Variants in INSL6 observed in about 807,000 individuals in gnomAD.
INSL6 encodes the protein insulin-like peptide INSL6.
In INSL6, 16 loss-of-function variants were observed where a neutral mutation model predicts 9.4. The ratio of observed to expected loss-of-function variants is 1.70; its 90% CI spans 1.15 to 2.59. INSL6 has a LOEUF of 2.59. Among genes scored for constraint, INSL6 ranks in the 30% most tolerant of loss-of-function variants. The pLI, the probability that INSL6 is intolerant of heterozygous loss-of-function variation, is 0.00. For missense variants in INSL6, 391 were observed against 257.3 expected, an observed-to-expected ratio of 1.52 and a Z score of -3.56; for synonymous variants, 154 against 96.9, an observed-to-expected ratio of 1.59 and a Z score of -3.46.
intron 2 of INSL6, among the ~76,000 whole-genome samples, chr9:5,140,556 C>T (rs892937724): frequency 1.6e-4 from 24 of 152,188 alleles, no homozygotes; most frequent in African/African-American, 5.8e-4. Flanking sequence ...ACTATTAGGT[C>T]ATTCTTCCCA....
the INSL6 span, among the ~76,000 whole-genome samples, chr9:5,042,296 C>T: frequency 1.3e-5 from 2 of 151,630 alleles, no homozygotes; most frequent in East Asian, 1.9e-4. Context: ...CGCCACCGCG[C>T]CCGGCTAATT....
At chr9:5,055,321 T>C in the INSL6 span, among the ~76,000 whole-genome samples, 1 of 152,062 alleles carries the variant, frequency 6.6e-6, no homozygotes, top group African/African-American at 2.4e-5. Context: ...GTGTTGTTCA[T>C]AGATTGTTAC....
the INSL6 span, among the ~76,000 whole-genome samples, chr9:5,106,365 T>C: frequency 6.6e-6 from 1 of 152,184 alleles, no homozygotes; most frequent in Non-Finnish European, 1.5e-5. Context: ...TCATGCCAGT[T>C]AGAATGGTGA....
chr9:5,129,778 C>T (rs560410396), intron 3 of INSL6, among the ~76,000 whole-genome samples: 3 of 152,106 alleles, frequency 2.0e-5, no homozygotes, highest in Non-Finnish European at 4.4e-5. Flanking sequence ...ACTGAGAGAA[C>T]TGAAAAACTA....
At chr9:5,184,208 C>G (rs114066965) in intron 1 of INSL6, among the ~76,000 whole-genome samples, 2 of 152,178 alleles carry the variant, frequency 1.3e-5, no homozygotes, top group African/African-American at 4.8e-5. Flanking sequence ...TTTTTTCAGT[C>G]CTCTACATTA....
At chr9:5,101,951 A>C in the INSL6 span, among the ~76,000 whole-genome samples, 1 of 152,260 alleles carries the variant, frequency 6.6e-6, no homozygotes, top group Non-Finnish European at 1.5e-5. Context: ...GGGAGAAACC[A>C]GAGCAGAAAA....
the INSL6 span, among the ~76,000 whole-genome samples, chr9:5,011,937 G>T: frequency 2.0e-5 from 3 of 152,188 alleles, no homozygotes; most frequent in Non-Finnish European, 2.9e-5. Flanking sequence ...ATATTTACCA[G>T]TTCCCTCTAA....
chr9:5,157,249 T>A (rs1474769995), intron 2 of INSL6, among the ~76,000 whole-genome samples: 1 of 152,108 alleles, frequency 6.6e-6, no homozygotes, highest in Non-Finnish European at 1.5e-5. Context: ...GTAAACTGTT[T>A]CTAAAATTTA....
the INSL6 span, chr9:5,022,278 A>G: frequency 9.5e-7 from 1 of 1,056,218 alleles, no homozygotes; most frequent in Admixed American, 1.9e-5. Flanking sequence ...CTATGCTAAT[A>G]CTAGGTACAT....
intron 2 of INSL6, among the ~76,000 whole-genome samples, chr9:5,137,875 C>T (rs756372489): frequency 6.6e-6 from 1 of 151,672 alleles, no homozygotes; most frequent in Non-Finnish European, 1.5e-5. Flanking sequence ...CTACAAAGAA[C>T]TTACACAAAT....
chr9:5,064,860 T>G, the INSL6 span: 22 of 1,498,960 alleles, frequency 1.5e-5, no homozygotes, highest in Admixed American at 5.0e-4. Context: ...AAGGTGCTAT[T>G]TCTTTTTCTT....
chr9:5,164,891 G>C (rs982156126), intron 1 of INSL6, among the ~76,000 whole-genome samples: 6 of 152,132 alleles, frequency 3.9e-5, no homozygotes, highest in Admixed American at 3.9e-4. Flanking sequence ...CATTTGAGTG[G>C]TTTCCACTTT....
chr9:5,012,597 A>G, the INSL6 span, among the ~76,000 whole-genome samples: 1 of 152,208 alleles, frequency 6.6e-6, no homozygotes, highest in Non-Finnish European at 1.5e-5. Flanking sequence ...TACCGTATGT[A>G]TAATAAAATA....
the INSL6 span, among the ~76,000 whole-genome samples, chr9:5,089,348 C>G: frequency 2.6e-5 from 4 of 151,964 alleles, no homozygotes; most frequent in Admixed American, 1.3e-4. Flanking sequence ...ACAATCCTGG[C>G]TAACACAGCG....
intron 2 of INSL6, among the ~76,000 whole-genome samples, chr9:5,133,888 C>T (rs756938457): frequency 6.6e-6 from 1 of 150,740 alleles, no homozygotes; most frequent in Non-Finnish European, 1.5e-5. Flanking sequence ...TTGGTAATTA[C>T]AAACTCCTCT....
At chr9:5,123,024 C>G (rs767187880), downstream of INSL6, 12 of 1,610,472 alleles carry the variant, frequency 7.5e-6, no homozygotes, top group Admixed American at 1.7e-5. Context: ...GAATCACTGA[C>G]AGAGAGCAAG....
chr9:5,156,758 T>A (rs1261463853), intron 2 of INSL6, among the ~76,000 whole-genome samples: 1 of 152,162 alleles, frequency 6.6e-6, no homozygotes, highest in South Asian at 2.1e-4. Flanking sequence ...ATAACAGGAC[T>A]GTTTATAAAG....
At chr9:5,161,836 T>C (rs12352022), downstream of INSL6, among the ~76,000 whole-genome samples, 2 of 151,806 alleles carry the variant, frequency 1.3e-5, no homozygotes, top group Admixed American at 1.3e-4. Flanking sequence ...ACCCAGCACT[T>C]TGGGAGGCCA....
chr9:5,109,026 AC>A, the INSL6 span: 2 of 152,032 alleles, frequency 1.3e-5, no homozygotes, highest in African/African-American at 4.8e-5. Context: ...ATCTTGCCTT[AC>A]CCCTACCATT....
Sources: allele counts gnomAD v4.1 joint callset (sites outside exome capture counted in the v4.1 genomes callset), GRCh38; gene constraint gnomAD v4.1.1; transcripts MANE v1.5; gene names NCBI Gene and HGNC (gene_info 2026-07-23, HGNC 2026-07-21).